The following FAT3 variants were observed in gnomAD, a reference collection of about 807,000 sequenced individuals.
The protein encoded by FAT3 is FAT atypical cadherin 3.
FAT3 carries 95 observed loss-of-function variants against 310.2 expected under a neutral mutation model. The ratio of observed to expected loss-of-function variants is 0.31; its 90% CI spans 0.26 to 0.36. FAT3 has a LOEUF of 0.36. FAT3 is among the 10% of genes least tolerant of loss of function. The pLI, the probability that FAT3 is intolerant of heterozygous loss-of-function variation, is 1.00. For synonymous variants in FAT3, 2,314 were observed against 2,192.9 expected (o/e 1.06, Z -1.54); for missense variants, 5,408 against 5,715.6 (o/e 0.95, Z 1.74).
At chr11:92,805,080 C>T in intron 10 of FAT3, 73 bp from the exon 11 acceptor site, 1 of 1,484,888 alleles carries the variant, frequency 6.7e-7, no homozygotes, top group Non-Finnish European at 9.1e-7. Flanking sequence ...TCCACATGCA[C>T]CTCTCAAGGT....
chr11:92,788,290 A>G (rs1266556948), intron 7 of FAT3, among the ~76,000 whole-genome samples: 2 of 152,274 alleles, frequency 1.3e-5, no homozygotes, highest in East Asian at 3.9e-4. Flanking sequence ...AATAACTACA[A>G]TAGAGAGAAA....
chr11:92,353,488 C>A lies in FAT3; in HGVS notation c.1376C>A (p.Thr459Asn). Residue 459 changes from threonine (T) to asparagine (N), a missense_variant, in exon 2 of 28, where the codon ACC becomes AAC. Thr to Asn is a moderately conservative substitution (Grantham distance 65, BLOSUM62 0). This residue lies in a region of FAT3 where 4,588 missense variants were observed against 4,809.8 expected (regional missense o/e 0.95). Coordinates refer to ENST00000525166, the MANE Select transcript of FAT3 (RefSeq NM_001367949.2). ...NKEGDLKAQVTISIEDANDHT... is the reference protein window; with the variant it reads ...NKEGDLKAQVNISIEDANDHT... Reference sequence around the variant, plus strand: ...GAAGGAGATTTAAAAGCACAGGTCACCATCAGCATAGAAGATGCAAATGAC... The same window carrying A: ...GAAGGAGATTTAAAAGCACAGGTCAACATCAGCATAGAAGATGCAAATGAC... The A allele has an allele frequency of 1.2e-6, 2 of 1,613,392 alleles. No homozygotes were observed. The highest frequency in any genetic ancestry group is 1.7e-6 in the Non-Finnish European group (2 of 1,179,700).
intron 2 of FAT3, among the ~76,000 whole-genome samples, chr11:92,426,355 C>A (rs1950633241): frequency 6.6e-6 from 1 of 152,144 alleles, no homozygotes; most frequent in South Asian, 2.1e-4. Context: ...ATGATAGTTT[C>A]TTTTGCTGTG....
chr11:92,582,861 G>A (rs1480657637), intron 3 of FAT3, among the ~76,000 whole-genome samples: 1 of 152,012 alleles, frequency 6.6e-6, no homozygotes, highest in Non-Finnish European at 1.5e-5. Flanking sequence ...TTAATGTAGG[G>A]ATGGAACTCT....
chr11:92,698,220 T>A (rs1943996338), intron 4 of FAT3, among the ~76,000 whole-genome samples: 1 of 152,116 alleles, frequency 6.6e-6, no homozygotes, highest in Non-Finnish European at 1.5e-5. Context: ...TAAGAATCAC[T>A]TTCTGGAATC....
chr11:92,853,681 C>T (rs1046677821), intron 19 of FAT3, among the ~76,000 whole-genome samples: 1 of 152,152 alleles, frequency 6.6e-6, no homozygotes, highest in African/African-American at 2.4e-5. Flanking sequence ...CAGGTTGTCC[C>T]AAGGAGTATC....
At chr11:92,535,574 A>G (rs1954228157) in intron 3 of FAT3, among the ~76,000 whole-genome samples, 3 of 152,180 alleles carry the variant, frequency 2.0e-5, no homozygotes, top group Non-Finnish European at 4.4e-5. Context: ...TACTCTTTTC[A>G]CTAGACAAAA....
Position 92,799,794 on chromosome 11 carries a change from A to C in FAT3, c.6781A>C (p.Ser2261Arg), listed in dbSNP as rs554621123. ...TSAYKLTIRA[S>R]DALTGARAEV... ...TGCTTACAAGCTGACAATAAGAGCCAGCGACGCCCTTACTGGTGCTAGGGC... is the reference window on the plus strand; with the variant it reads ...TGCTTACAAGCTGACAATAAGAGCCCGCGACGCCCTTACTGGTGCTAGGGC... The change falls in exon 10 of 28, where the codon AGC (serine) becomes CGC (arginine). Residue 2261 changes from serine (S) to arginine (R), a missense_variant. This residue lies in a region of FAT3 where 4,588 missense variants were observed against 4,809.8 expected (regional missense o/e 0.95). Coordinates refer to ENST00000525166, the MANE Select transcript of FAT3 (RefSeq NM_001367949.2). The C allele has an allele frequency of 6.2e-7, 1 of 1,613,060 alleles. No individual in the cohort carries two copies. Among genetic ancestry groups the C allele is most frequent in the African/African-American group, 1.3e-5 (1 of 75,048 alleles).
chr11:92,597,457 T>C (rs981767162), intron 3 of FAT3, among the ~76,000 whole-genome samples: 8 of 152,198 alleles, frequency 5.3e-5, no homozygotes, highest in African/African-American at 1.9e-4. Context: ...AGCCAAGCTC[T>C]ACCATGTGCA....
chr11:92,549,683 T>C (rs1227061111), intron 3 of FAT3, among the ~76,000 whole-genome samples: 1 of 152,192 alleles, frequency 6.6e-6, no homozygotes, highest in Admixed American at 6.5e-5. Flanking sequence ...TATTATATAA[T>C]GTGGCATTAT....
At chr11:92,505,259 T>G (rs1459415965) in intron 2 of FAT3, among the ~76,000 whole-genome samples, 1 of 152,162 alleles carries the variant, frequency 6.6e-6, no homozygotes, top group African/African-American at 2.4e-5. Flanking sequence ...CAGCTTTTTC[T>G]GATTAAGGGC....
At chr11:92,527,259 A>C (rs562323707) in intron 3 of FAT3, among the ~76,000 whole-genome samples, 4 of 152,156 alleles carry the variant, frequency 2.6e-5, no homozygotes, top group Non-Finnish European at 4.4e-5. Context: ...TCATGAACTT[A>C]CCAGCTTCAT....
chr11:92,797,114 T>C (rs1947196363), intron 9 of FAT3, among the ~76,000 whole-genome samples: 1 of 152,184 alleles, frequency 6.6e-6, no homozygotes, highest in South Asian at 2.1e-4. Context: ...TATGTCTAGA[T>C]GTGTGCATGT....
At chr11:92,475,486 A>G (rs1427192082) in intron 2 of FAT3, among the ~76,000 whole-genome samples, 1 of 152,018 alleles carries the variant, frequency 6.6e-6, no homozygotes, top group Admixed American at 6.5e-5. Context: ...GAACCTACAT[A>G]TGCTGTGAAA....
intron 2 of FAT3, among the ~76,000 whole-genome samples, chr11:92,439,128 A>G (rs867520653): frequency 3.3e-5 from 5 of 152,178 alleles, no homozygotes; most frequent in African/African-American, 1.2e-4. Context: ...CATTCTGTGT[A>G]TTATTGGATT....
intron 2 of FAT3, among the ~76,000 whole-genome samples, chr11:92,367,659 T>C (rs1351440214): frequency 6.6e-6 from 1 of 152,108 alleles, no homozygotes; most frequent in East Asian, 1.9e-4. Flanking sequence ...AAAAAACTGA[T>C]AGTAGAGACA....
chr11:92,568,581 T>C (rs1001453739), intron 3 of FAT3, among the ~76,000 whole-genome samples: 35 of 152,158 alleles, frequency 2.3e-4, no homozygotes, highest in African/African-American at 8.4e-4. Context: ...TTGATTAGAC[T>C]GATTATAATG....
chr11:92,495,459 T>C (rs1036713227), intron 2 of FAT3, among the ~76,000 whole-genome samples: 2 of 152,110 alleles, frequency 1.3e-5, no homozygotes, highest in South Asian at 2.1e-4. Flanking sequence ...ATTGAAGATA[T>C]TTTTCACTAT....
chr11:92,403,880 C>G (rs1450350629), intron 2 of FAT3, among the ~76,000 whole-genome samples: 3 of 151,994 alleles, frequency 2.0e-5, no homozygotes, highest in African/African-American at 7.2e-5. Context: ...ATGAAAAATA[C>G]AAAATATTAG....
Sources: allele counts gnomAD v4.1 joint callset (sites outside exome capture counted in the v4.1 genomes callset), GRCh38; gene constraint gnomAD v4.1.1; regional missense constraint gnomAD v4.1.1; transcripts MANE v1.5; gene names NCBI Gene and HGNC (gene_info 2026-07-23, HGNC 2026-07-21).